The following SLC25A20 variants were observed in gnomAD, a reference collection of about 807,000 sequenced individuals.
SLC25A20 encodes mitochondrial carnitine/acylcarnitine carrier protein.
A neutral mutation model predicts 39.7 loss-of-function variants in SLC25A20; 29 were observed. That is an observed-to-expected ratio of 0.73 (90% confidence interval 0.54 to 1.00). SLC25A20 has a LOEUF of 1.00. Ranked by LOEUF, SLC25A20 falls within the 50% of genes least tolerant of loss-of-function variation. The pLI, the probability that SLC25A20 is intolerant of heterozygous loss-of-function variation, is 0.00. For missense variants in SLC25A20, 333 were observed against 379.9 expected, an observed-to-expected ratio of 0.88 and a Z score of 1.03; for synonymous variants, 103 against 142.2, an observed-to-expected ratio of 0.72 and a Z score of 1.96.
At chr3:48,883,947 G>A (rs771005157) in intron 3 of SLC25A20, 50 bp downstream of exon 3, 1 of 1,606,634 alleles carries the variant, frequency 6.2e-7, no homozygotes, top group South Asian at 1.1e-5. Context: ...TTTAACCCAT[G>A]TCACGCTACC....
chr3:48,895,811 C>T, intron 1 of SLC25A20: 1 of 456,474 alleles, frequency 2.2e-6, no homozygotes, highest in Middle Eastern at 3.3e-4. Flanking sequence ...CAGGCATAAC[C>T]TCCCCTAGTT....
intron 4 of SLC25A20, among the ~76,000 whole-genome samples, chr3:48,862,957 C>CGAGGCAGGCAGGTCGCCT (rs1405937686): frequency 1.3e-5 from 2 of 151,960 alleles, no homozygotes; most frequent in Admixed American, 1.3e-4. Flanking sequence ...TTTGGGAGGC[C>CGAGGCAGGCAGGTCGCCT]GAGGCAGGCA....
rs1575980860 is a variant in SLC25A20 at position 48,865,134 on chromosome 3, A to T, written c.418-2475T>A. ...AGGAAAAGTCTGAGTTGGAGATATA[A>T]TTTTTTTTTTTTGAGACGGAGTCTT... On this transcript the variant is annotated intron_variant, in intron 4 of 8. Transcript: ENST00000319017. 2.7e-5 allele frequency among the ~76,000 whole-genome samples: 4 copies of T among 148,556 alleles called. No homozygotes were observed. The Admixed American group carries it at 2.7e-4, about 10-fold the overall frequency.
At chr3:48,861,502 G>A (rs1290455024) in intron 5 of SLC25A20, among the ~76,000 whole-genome samples, 1 of 152,168 alleles carries the variant, frequency 6.6e-6, no homozygotes, top group Non-Finnish European at 1.5e-5. Flanking sequence ...CAAGGCAGGT[G>A]GATCATCTGA....
chr3:48,859,029 C>A (rs879461254), intron 7 of SLC25A20, 63 bp downstream of exon 7: 7 of 1,354,856 alleles, frequency 5.2e-6, no homozygotes, highest in Non-Finnish European at 7.4e-6. Context: ...AGCTTTGCAC[C>A]CCAGGATTAG....
chr3:48,871,755 C>T (rs1355606460), intron 4 of SLC25A20, among the ~76,000 whole-genome samples: 1 of 135,394 alleles, frequency 7.4e-6, no homozygotes, highest in Non-Finnish European at 1.6e-5. Context: ...CAACAAAGAG[C>T]GAAACTCCAT....
chr3:48,883,914 G>A (rs759570387), intron 3 of SLC25A20, 83 bp downstream of exon 3: 165 of 1,543,044 alleles, frequency 1.1e-4, no homozygotes, highest in Non-Finnish European at 1.4e-4. Flanking sequence ...ATGAGCCACC[G>A]CGCCCTGCCC....
Position 48,857,603 on chromosome 3 carries a change from A to T in SLC25A20, c.*107T>A. 1.0e-6 allele frequency: 1 copy of T among 1,004,020 alleles called. No individual in the cohort carries two copies. Among genetic ancestry groups the T allele is most frequent in the Non-Finnish European group, 1.6e-6 (1 of 642,426 alleles). The allele number at this position is 1,004,020 out of a possible 1,614,324, so 62.2% of individuals were successfully genotyped here. ...AGTCCATGCACAGGGCTCGGATCTC[A>T]CCATTCCCCTCCCCTTGCCCTCCAA... On this transcript the variant is annotated 3_prime_UTR_variant, in exon 9 of 9. Transcript: ENST00000319017.
intron 1 of SLC25A20, among the ~76,000 whole-genome samples, chr3:48,893,009 C>T (rs1415593823): frequency 6.6e-6 from 1 of 151,846 alleles, no homozygotes; most frequent in Non-Finnish European, 1.5e-5. Flanking sequence ...ATCTTCAATA[C>T]TTATTATCTT....
intron 1 of SLC25A20, among the ~76,000 whole-genome samples, chr3:48,896,955 G>A (rs529066999): frequency 1.3e-5 from 2 of 151,798 alleles, no homozygotes; most frequent in African/African-American, 2.4e-5. Flanking sequence ...CTGTTCTAAC[G>A]CACCACCTTC....
rs1275095336 is a variant in SLC25A20 at position 48,866,735 on chromosome 3, A to G, written c.418-4076T>C. On this transcript the variant is annotated intron_variant, in intron 4 of 8. Coordinates refer to ENST00000319017, the MANE Select transcript of SLC25A20 (RefSeq NM_000387.6). ...AGGCTCAACTTCCTGTGCTCAAACGATCCTCCCACCTCAGACTCCTGAATA... is the reference window on the plus strand; with the variant it reads ...AGGCTCAACTTCCTGTGCTCAAACGGTCCTCCCACCTCAGACTCCTGAATA... 1.1e-4 allele frequency among the ~76,000 whole-genome samples: 10 copies of G among 88,180 alleles called. No individual in the cohort carries two copies. In the East Asian group the frequency reaches 3.9e-3, roughly 35 times the overall value. 57.8% of individuals were successfully genotyped at this position (88,180 alleles called of 152,430 possible).
intron 4 of SLC25A20, among the ~76,000 whole-genome samples, chr3:48,870,920 G>A (rs921606128): frequency 3.3e-5 from 5 of 150,986 alleles, no homozygotes; most frequent in Admixed American, 6.7e-5. Context: ...TCCACCTCCC[G>A]GGTTAAGTGA....
chr3:48,894,562 C>T (rs938003036), intron 1 of SLC25A20, among the ~76,000 whole-genome samples: 2 of 151,988 alleles, frequency 1.3e-5, no homozygotes, highest in Middle Eastern at 3.4e-3. Context: ...CATGAGCCAC[C>T]GGCCCGGCCC....
intron 4 of SLC25A20, among the ~76,000 whole-genome samples, chr3:48,866,947 C>A (rs1024158783): frequency 3.9e-5 from 6 of 151,972 alleles, no homozygotes; most frequent in African/African-American, 7.3e-5. Context: ...GCACCTGCCA[C>A]CATGCCTGGC....
intron 3 of SLC25A20, among the ~76,000 whole-genome samples, chr3:48,880,213 C>A (rs1175556831): frequency 6.6e-6 from 1 of 152,162 alleles, no homozygotes; most frequent in Non-Finnish European, 1.5e-5. Flanking sequence ...GAGGCTCCTA[C>A]CATCTATCAC....
chr3:48,882,714 G>A lies in SLC25A20; in HGVS notation c.326+1283C>T, dbSNP rs138794038. Among the ~76,000 whole-genome samples the A allele has an allele frequency of 2.0e-3, 301 of 151,936 alleles. 2 individuals carry two copies. The highest frequency in any genetic ancestry group is 6.7e-3 in the African/African-American group (277 of 41,432). ...CCCGCCGCCCCGACACACACACACC[G>A]ACCATTGCTAAAAAAAATTTAAAAA... is the stretch of plus-strand genomic sequence containing the variant. On this transcript the variant is annotated intron_variant, in intron 3 of 8. Transcript: ENST00000319017.
At position 48,857,115 on chromosome 3, in the gene SLC25A20, T is replaced by C. The variant is rs2083585528; in HGVS notation, c.*595A>G. ...AAATTAGGCTACTCCAGTTTTACTT[T>C]TGATTATTTGCAGGCATAAAAAAAA... On this transcript the variant is annotated 3_prime_UTR_variant, in exon 9 of 9. Coordinates refer to ENST00000319017, the MANE Select transcript of SLC25A20 (RefSeq NM_000387.6). 6.4e-6 allele frequency: 1 copy of C among 156,140 alleles called. No homozygotes were observed. The highest frequency in any genetic ancestry group is 2.4e-5 in the African/African-American group (1 of 41,436). 9.7% of individuals were successfully genotyped at this position (156,140 alleles called of 1,614,324 possible).
In SLC25A20 at chr3:48,872,990, G is replaced by A. The variant is rs182145065; in HGVS notation, c.417+6368C>T. Reference sequence around the variant, plus strand: ...TATAATCCCAGCACTTTGGGAGGCCGAGATGGGCAAATCACCTGAGGTCAG... The same window carrying A: ...TATAATCCCAGCACTTTGGGAGGCCAAGATGGGCAAATCACCTGAGGTCAG... On this transcript the variant is annotated intron_variant, in intron 4 of 8. Coordinates refer to ENST00000319017, the MANE Select transcript of SLC25A20 (RefSeq NM_000387.6). Among the ~76,000 whole-genome samples, 131 of 151,356 alleles carry A rather than the reference G, an allele frequency of 8.7e-4. No individual in the cohort carries two copies. In the Middle Eastern group the frequency reaches 0.01, roughly 12 times the overall value.
chr3:48,880,815 G>T (rs1239271583), intron 3 of SLC25A20, among the ~76,000 whole-genome samples: 2 of 151,616 alleles, frequency 1.3e-5, no homozygotes, highest in Non-Finnish European at 2.9e-5. Context: ...TGATCCTCCT[G>T]CCTTGGCCTC....
Sources: gnomAD v4.1 joint callset for allele counts (sites outside exome capture counted in the v4.1 genomes callset) on GRCh38, gnomAD v4.1.1 for gene constraint, MANE v1.5 for transcripts, NCBI Gene and HGNC (gene_info 2026-07-23, HGNC 2026-07-21) for gene names.